FAM168B: variants seen among roughly 807,000 people sequenced by gnomAD.
The protein encoded by FAM168B is myelin-associated neurite-outgrowth inhibitor.
Under a neutral mutation model 21.8 loss-of-function variants are expected in FAM168B, and 19 were observed. The observed-to-expected ratio is 0.87, with a 90% CI of 0.61 to 1.28. The LOEUF (loss-of-function observed/expected upper bound fraction) is 1.28, where lower values mean the gene tolerates loss of function less well. Among genes scored for constraint, FAM168B ranks in the 50% most tolerant of loss-of-function variants. The pLI is 0.00. For missense variants in FAM168B, 233 were observed against 263.1 expected (o/e 0.89, Z 0.79); for synonymous variants, 126 against 104.8 (o/e 1.20, Z -1.24).
chr2:131,088,312 G>C (rs550449519), intron 1 of FAM168B, among the ~76,000 whole-genome samples: 1 of 152,022 alleles, frequency 6.6e-6, no homozygotes, highest in African/African-American at 2.4e-5. Context: ...GCAGGAGTAG[G>C]AGGGAATATG....
intron 1 of FAM168B, among the ~76,000 whole-genome samples, chr2:131,085,430 C>T (rs1573819737): frequency 6.6e-6 from 1 of 152,188 alleles, no homozygotes; most frequent in East Asian, 1.9e-4. Context: ...TCAATAACAA[C>T]ATCTGGTACA....
Position 131,051,055 on chromosome 2 carries a change from T to C in FAM168B, c.*1410A>G, listed in dbSNP as rs2105446277. ...GATTCAGATCCTAAACTCAAATTCC[T>C]CTCCCACAATAAACCCTGCCAGCAA... On this transcript the variant is annotated 3_prime_UTR_variant, in exon 7 of 7. Coordinates refer to ENST00000389915, the MANE Select transcript of FAM168B (RefSeq NM_001009993.4). 1 of 985,262 alleles carries C rather than the reference T, an allele frequency of 1.0e-6. No homozygotes were observed. Among genetic ancestry groups the C allele is most frequent in the African/African-American group, 1.7e-5 (1 of 57,276 alleles). 61.0% of individuals were successfully genotyped at this position (985,262 alleles called of 1,614,324 possible).
At chr2:131,082,362 A>G (rs1297090307) in intron 2 of FAM168B, among the ~76,000 whole-genome samples, 1 of 152,216 alleles carries the variant, frequency 6.6e-6, no homozygotes, top group Non-Finnish European at 1.5e-5. Flanking sequence ...TGAGACCAGG[A>G]GGTAGAGAAA....
Position 131,055,676 on chromosome 2 carries a change from A to C in FAM168B, c.174T>G (p.Pro58=). The change falls in exon 4 of 7, where the codon CCT becomes CCG. Residue 58 remains proline (P), a synonymous_variant. Transcript: ENST00000389915. Reference sequence around the variant, plus strand: ...TGGTGGGGGAACAGGACACTTTGTAAGGTGTGCCAGGAGTGTAACCTGGAA... The same window carrying C: ...TGGTGGGGGAACAGGACACTTTGTACGGTGTGCCAGGAGTGTAACCTGGAA... ...TFQTGYTPGT[P]YKVSCSPTSG... 1 of 1,613,824 alleles carries C rather than the reference A, an allele frequency of 6.2e-7. No individual in the cohort carries two copies. The highest frequency in any genetic ancestry group is 1.1e-5 in the South Asian group (1 of 91,058).
At position 131,072,307 on chromosome 2, in the gene FAM168B, A is replaced by G. The variant is rs533290024; in HGVS notation, c.71-369T>C. ...CCTGGCTAATTTTTCTATTTTTAGT[A>G]GAGACGGGGTTTCATCACGTTAGCC... On this transcript the variant is annotated intron_variant, in intron 2 of 6. Coordinates refer to ENST00000389915, the MANE Select transcript of FAM168B (RefSeq NM_001009993.4). Among the ~76,000 whole-genome samples, 433 of 151,780 alleles carry G rather than the reference A, an allele frequency of 2.9e-3. 1 individual carries two copies. Among genetic ancestry groups the G allele is most frequent in the African/African-American group, 9.9e-3 (411 of 41,334 alleles).
intron 3 of FAM168B, among the ~76,000 whole-genome samples, chr2:131,069,424 A>T (rs1177386085): frequency 6.6e-6 from 1 of 152,222 alleles, no homozygotes; most frequent in African/African-American, 2.4e-5. Flanking sequence ...TGTAAAACCT[A>T]CAAGTGTAAA....
chr2:131,064,819 G>A (rs1692475892), intron 3 of FAM168B, among the ~76,000 whole-genome samples: 1 of 152,156 alleles, frequency 6.6e-6, no homozygotes, highest in Admixed American at 6.5e-5. Context: ...GAGGAAGGGA[G>A]GGCTTCAGAG....
At chr2:131,084,573 C>T (rs1353684084) in intron 1 of FAM168B, among the ~76,000 whole-genome samples, 1 of 151,900 alleles carries the variant, frequency 6.6e-6, no homozygotes, top group Non-Finnish European at 1.5e-5. Context: ...AGCCCAGCAC[C>T]TCTATGAATC....
At chr2:131,081,321 T>C (rs1351095098) in intron 2 of FAM168B, among the ~76,000 whole-genome samples, 1 of 152,236 alleles carries the variant, frequency 6.6e-6, no homozygotes, top group Non-Finnish European at 1.5e-5. Flanking sequence ...AGGCATCCCA[T>C]GCTAGCAGGC....
At chr2:131,084,193 C>A (rs1192209513) in intron 1 of FAM168B, among the ~76,000 whole-genome samples, 1 of 134,268 alleles carries the variant, frequency 7.4e-6, no homozygotes, top group Non-Finnish European at 1.6e-5. Flanking sequence ...CCCTCCGCCC[C>A]CCCCACCCCA....
At chr2:131,087,063 C>CAAAAAAAAAAAAAAA (rs70994735) in intron 1 of FAM168B, among the ~76,000 whole-genome samples, 2 of 40,684 alleles carry the variant, frequency 4.9e-5, no homozygotes, top group African/African-American at 5.4e-4. Context: ...GACTCCGTCT[C>CAAAAAAAAAAAAAAA]AAAAAAAAAA....
Position 131,052,306 on chromosome 2 carries a change from C to A in FAM168B, c.*159G>T. ...ACCCACAGAGTCAGCTGGAGACTAA[C>A]GGCGCTGGGGCCTGCTGGGCCGGGA... On this transcript the variant is annotated 3_prime_UTR_variant, in exon 7 of 7. Transcript: ENST00000389915. The A allele has an allele frequency of 1.0e-6, 1 of 985,962 alleles. No individual in the cohort carries two copies. The highest frequency in any genetic ancestry group is 1.2e-6 in the Non-Finnish European group (1 of 830,010). 61.1% of individuals were successfully genotyped at this position (985,962 alleles called of 1,614,324 possible). A position where few individuals can be genotyped will look rare whatever the true frequency, so the allele number is the denominator to read the frequency against.
intron 2 of FAM168B, among the ~76,000 whole-genome samples, chr2:131,075,016 G>A (rs1395050742): frequency 1.3e-5 from 2 of 152,038 alleles, no homozygotes; most frequent in Admixed American, 6.6e-5. Context: ...AAGCCATTCC[G>A]GGTTTCCCTC....
At chr2:131,070,958 A>C (rs747457630) in intron 3 of FAM168B, among the ~76,000 whole-genome samples, 1 of 152,216 alleles carries the variant, frequency 6.6e-6, no homozygotes, top group Non-Finnish European at 1.5e-5. Context: ...CCGGGGAAAG[A>C]AAGCTTGGGA....
At chr2:131,091,765 G>A (rs1694043304) in intron 1 of FAM168B, among the ~76,000 whole-genome samples, 1 of 151,960 alleles carries the variant, frequency 6.6e-6, no homozygotes, top group African/African-American at 2.4e-5. Context: ...AGTACAATCA[G>A]ACAGACTTAA....
chr2:131,075,690 A>G (rs1275462776), intron 2 of FAM168B, among the ~76,000 whole-genome samples: 1 of 151,894 alleles, frequency 6.6e-6, no homozygotes, highest in Non-Finnish European at 1.5e-5. Flanking sequence ...GGGTTTCACC[A>G]TGTTAGCCAG....
In FAM168B at chr2:131,048,265, C is replaced by T; in HGVS notation, c.*4200G>A. The T allele has an allele frequency of 2.3e-6, 3 of 1,304,210 alleles. No individual in the cohort carries two copies. The highest frequency in any genetic ancestry group is 3.0e-6 in the Non-Finnish European group (3 of 988,902). The allele number at this position is 1,304,210 out of a possible 1,614,324, so 80.8% of individuals were successfully genotyped here. ...CCGTGTGGCCAGCACAGCAACCCTGCTAGGAGCACAAACGGCTGGCCTGAG... is the reference window on the plus strand; with the variant it reads ...CCGTGTGGCCAGCACAGCAACCCTGTTAGGAGCACAAACGGCTGGCCTGAG... On this transcript the variant is annotated 3_prime_UTR_variant, in exon 7 of 7. Transcript: ENST00000389915.
intron 1 of FAM168B, among the ~76,000 whole-genome samples, chr2:131,091,781 T>C (rs1029802487): frequency 2.0e-5 from 3 of 151,980 alleles, no homozygotes; most frequent in Non-Finnish European, 4.4e-5. Context: ...CTTAACAGAC[T>C]GGACACAAGG....
At chr2:131,062,648 A>G (rs1173312672) in intron 3 of FAM168B, among the ~76,000 whole-genome samples, 3 of 152,150 alleles carry the variant, frequency 2.0e-5, no homozygotes, top group East Asian at 3.9e-4. Context: ...GGATTCACCT[A>G]TGTTGGCCAG....
Sources: gnomAD v4.1 joint callset for allele counts (sites outside exome capture counted in the v4.1 genomes callset) on GRCh38, gnomAD v4.1.1 for gene constraint, MANE v1.5 for transcripts, NCBI Gene and HGNC (gene_info 2026-07-23, HGNC 2026-07-21) for gene names.